REPS2: variants seen among roughly 807,000 people sequenced by gnomAD.
The protein encoded by REPS2 is RALBP1 associated Eps domain containing 2, also known as ralBP1-associated Eps domain-containing protein 2.
REPS2 carries 23 observed loss-of-function variants against 53.6 expected under a neutral mutation model. The observed-to-expected ratio is 0.43, with a 90% CI of 0.31 to 0.61. The LOEUF is 0.61. Among genes scored for constraint, REPS2 ranks in the 20% least tolerant of loss-of-function variants. REPS2 has a pLI of 0.11. For synonymous variants in REPS2, 238 were observed against 218.6 expected (o/e 1.09, Z -0.78); for missense variants, 446 against 534.9 (o/e 0.83, Z 1.64).
intron 13 of REPS2, among the ~76,000 whole-genome samples, chrX:17,102,181 A>G (rs2062817607): frequency 9.0e-6 from 1 of 110,752 alleles, no homozygotes; most frequent in Non-Finnish European, 1.9e-5. Flanking sequence ...TCCTGGGTTC[A>G]AGTGATCCTT....
intron 6 of REPS2, among the ~76,000 whole-genome samples, chrX:17,050,199 T>TTTTCTTTTCTTTTC (rs1329968988): frequency 1.1e-3 from 76 of 68,434 alleles, no homozygotes; most frequent in Non-Finnish European, 1.6e-3. Context: ...TCTTTCTTTT[T>TTTTCTTTTCTTTTC]TTTTTTTTTT....
chrX:17,168,697 T>G, the REPS2 span, among the ~76,000 whole-genome samples: 1 of 112,042 alleles, frequency 8.9e-6, no homozygotes, highest in African/African-American at 3.2e-5. Context: ...CAACTTAAAC[T>G]AAGGCAGAAG....
At chrX:17,124,905 G>T (rs1353404491) in intron 14 of REPS2, among the ~76,000 whole-genome samples, 2 of 101,463 alleles carry the variant, frequency 2.0e-5, no homozygotes, top group Admixed American at 1.1e-4. Context: ...CACCCAGGCT[G>T]GAATGTGGAG....
chrX:17,093,166 C>CCATATATATATATATA (rs2062641320), intron 13 of REPS2, among the ~76,000 whole-genome samples: 7 of 39,106 alleles, frequency 1.8e-4, no homozygotes, highest in African/African-American at 2.4e-4. Flanking sequence ...TGAGTTAATG[C>CCATATATATATATATA]TATATATATA....
intron 1 of REPS2, among the ~76,000 whole-genome samples, chrX:16,975,837 T>C (rs1035450142): frequency 8.9e-6 from 1 of 112,529 alleles, no homozygotes; most frequent in Non-Finnish European, 1.9e-5. Context: ...CAAGTCATTT[T>C]CTACTATGGA....
intron 15 of REPS2, among the ~76,000 whole-genome samples, chrX:17,134,218 TC>T (rs774785921): frequency 3.0e-4 from 33 of 111,751 alleles, no homozygotes; most frequent in Non-Finnish European, 5.8e-4. Context: ...CAAAACCCCA[TC>T]CACCTGCTAA....
chrX:17,126,682 C>G (rs1394693110), intron 14 of REPS2, among the ~76,000 whole-genome samples: 4 of 111,861 alleles, frequency 3.6e-5, no homozygotes, highest in African/African-American at 1.3e-4. Flanking sequence ...CAGGGGCTGA[C>G]AAATTATGGC....
chrX:17,046,745 G>A (rs2061913709), intron 5 of REPS2, among the ~76,000 whole-genome samples: 1 of 111,825 alleles, frequency 8.9e-6, no homozygotes, highest in Middle Eastern at 4.2e-3. Context: ...GTTTATTGTG[G>A]TACCATAACA....
the REPS2 span, among the ~76,000 whole-genome samples, chrX:17,160,534 T>C: frequency 8.9e-6 from 1 of 112,914 alleles, no homozygotes; most frequent in Non-Finnish European, 1.9e-5. Context: ...AATTGTATAC[T>C]AATAGAAACA....
At chrX:17,102,068 GTTATGTTATGTTATT>G (rs1355866873) in intron 13 of REPS2, among the ~76,000 whole-genome samples, 3,453 of 90,892 alleles carry the variant, frequency 0.038, 75 homozygotes, top group Admixed American at 0.076. Context: ...GTTATGTTAT[GTTATGTTATGTTATT>G]TTATTTTATT....
intron 14 of REPS2, among the ~76,000 whole-genome samples, chrX:17,129,721 A>G (rs2063267111): frequency 8.9e-6 from 1 of 112,367 alleles, no homozygotes; most frequent in African/African-American, 3.2e-5. Context: ...AAAAGGAGGC[A>G]ATAACAAAGA....
chrX:17,015,657 C>A (rs1402501051), intron 2 of REPS2, among the ~76,000 whole-genome samples: 9 of 108,773 alleles, frequency 8.3e-5, no homozygotes, highest in Admixed American at 6.9e-4. Context: ...TGAGAACATG[C>A]GGTGTTTGGT....
At chrX:17,065,185 G>A (rs908490953) in intron 9 of REPS2, among the ~76,000 whole-genome samples, 9 of 111,948 alleles carry the variant, frequency 8.0e-5, no homozygotes, top group African/African-American at 2.9e-4. Flanking sequence ...TTAACTTTCT[G>A]AGGAACCACC....
rs1232241397 is a variant in REPS2 at position 17,025,101 on chromosome X, CCTT to C, written c.594_596del (p.Ser199del). 1 of 1,209,999 alleles carries C rather than the reference CCTT, an allele frequency of 8.3e-7. No individual in the cohort carries two copies. Among genetic ancestry groups the C allele is most frequent in the Non-Finnish European group, 1.1e-6 (1 of 895,219 alleles). On this transcript the variant is annotated inframe_deletion, in exon 4 of 18. Transcript: ENST00000357277. The stretch of plus-strand genomic sequence containing the variant: ...CACGATGTCACCCCTCGCCTCCCCT[CCTT>C]CTTCCCCGCCTCATTACCAGAGGGT...
chrX:17,079,042 G>A (rs973724959), intron 13 of REPS2, among the ~76,000 whole-genome samples: 1 of 111,983 alleles, frequency 8.9e-6, no homozygotes, highest in African/African-American at 3.2e-5. Context: ...GATATTTTTG[G>A]ATTTTGGAAT....
At chrX:16,965,090 C>T (rs1469317647) in intron 1 of REPS2, among the ~76,000 whole-genome samples, 1 of 87,370 alleles carries the variant, frequency 1.1e-5, no homozygotes, top group Non-Finnish European at 2.3e-5. Context: ...GGGCGGGGGG[C>T]TGACCCCCCC....
Position 16,947,050 on chromosome X carries a change from C to A in REPS2, c.189C>A (p.Val63=), listed in dbSNP as rs1259225557. 4 of 1,021,885 alleles carry A rather than the reference C, an allele frequency of 3.9e-6. No homozygotes were observed. Among genetic ancestry groups the A allele is most frequent in the Non-Finnish European group, 5.0e-6 (4 of 805,202 alleles). The allele number at this position is 1,021,885 out of a possible 1,213,427, so 84.2% of individuals were successfully genotyped here. The part of the protein sequence containing the change: ...PGSGPPEAAR[V]APGTATAAAG... The stretch of plus-strand genomic sequence containing the variant: ...CTGGGCCCCCCGAGGCCGCCAGAGT[C>A]GCCCCCGGCACGGCCACTGCGGCCG... The change falls in exon 1 of 18, where the codon GTC becomes GTA. Residue 63 remains valine (V), a synonymous_variant. Coordinates refer to ENST00000357277, the MANE Select transcript of REPS2 (RefSeq NM_004726.3).
At chrX:17,073,315 T>C (rs2062334476) in intron 11 of REPS2, among the ~76,000 whole-genome samples, 1 of 112,429 alleles carries the variant, frequency 8.9e-6, no homozygotes, top group Non-Finnish European at 1.9e-5. Context: ...AAATTTGCAA[T>C]GTTTGTAACA....
chrX:17,149,078 T>G lies in REPS2; in HGVS notation c.*1597T>G, dbSNP rs1422343508. On this transcript the variant is annotated 3_prime_UTR_variant, in exon 18 of 18. Transcript: ENST00000357277. ...ACAGAAAAACAAATTGTTGAATCTA[T>G]TCCGTGCATATTTAAGGATTTTGAA... is the stretch of plus-strand genomic sequence containing the variant. 2 of 316,466 alleles carry G rather than the reference T, an allele frequency of 6.3e-6. No individual in the cohort carries two copies. The highest frequency in any genetic ancestry group is 5.4e-5 in the African/African-American group (2 of 37,238). 26.1% of individuals were successfully genotyped at this position (316,466 alleles called of 1,213,427 possible).
Sources: gnomAD v4.1 joint callset for allele counts (sites outside exome capture counted in the v4.1 genomes callset) on GRCh38, gnomAD v4.1.1 for gene constraint, MANE v1.5 for transcripts, NCBI Gene and HGNC (gene_info 2026-07-23, HGNC 2026-07-21) for gene names.